Variants in CABIN1 observed in about 807,000 individuals in gnomAD.
The protein encoded by CABIN1 is calcineurin-binding protein cabin-1.
Under a neutral mutation model 227.7 loss-of-function variants are expected in CABIN1, and 133 were observed. The observed-to-expected ratio is 0.58, with a 90% CI of 0.51 to 0.67. The LOEUF is 0.67. Among genes scored for constraint, CABIN1 ranks in the 30% least tolerant of loss-of-function variants. CABIN1 has a pLI of 0.00. For synonymous variants in CABIN1, 1,086 were observed against 1,155.1 expected (o/e 0.94, Z 1.21); for missense variants, 2,408 against 2,852.5 (o/e 0.84, Z 3.55).
chr22:24,015,996 A>ACCT (rs1254941066), intron 1 of CABIN1, among the ~76,000 whole-genome samples: 2 of 152,214 alleles, frequency 1.3e-5, no homozygotes, highest in Non-Finnish European at 2.9e-5. Flanking sequence ...TTATTGAGAT[A>ACCT]TAATTTACAT....
intron 1 of CABIN1, among the ~76,000 whole-genome samples, chr22:24,019,650 CTTTTTT>C (rs34361694): frequency 2.3e-5 from 2 of 87,024 alleles, no homozygotes; most frequent in African/African-American, 1.0e-4. Context: ...TTTCTTTACC[CTTTTTT>C]TTTTTTTTTT....
intron 27 of CABIN1, among the ~76,000 whole-genome samples, chr22:24,119,083 G>A (rs1211663282): frequency 6.6e-6 from 1 of 152,196 alleles, no homozygotes; most frequent in Non-Finnish European, 1.5e-5. Flanking sequence ...GTTCAGAGGG[G>A]AAGACCCAGA....
intron 18 of CABIN1, 67 bp downstream of exon 18, chr22:24,072,577 C>CT: frequency 6.3e-7 from 1 of 1,589,808 alleles, no homozygotes; most frequent in East Asian, 2.2e-5. Context: ...GTCCTCTGCC[C>CT]TAGGGTCCTG....
chr22:24,042,878 T>TCAAGGAGAGATCTGAC (rs1569112630), intron 5 of CABIN1, 26 bp from the exon 6 acceptor site: 1 of 942,260 alleles, frequency 1.1e-6, no homozygotes, highest in African/African-American at 3.1e-5. Flanking sequence ...GTGTGTGTGT[T>TCAAGGAGAGATCTGAC]TGCCCTCTGC....
chr22:24,082,551 T>C (rs763001333), intron 19 of CABIN1, among the ~76,000 whole-genome samples: 3 of 152,250 alleles, frequency 2.0e-5, no homozygotes, highest in Non-Finnish European at 4.4e-5. Context: ...ATGTATTATA[T>C]CTAGTTTTTG....
intron 29 of CABIN1, among the ~76,000 whole-genome samples, chr22:24,144,793 CGTGTTGCTGTGCTCA>C (rs1192890829): frequency 3.3e-5 from 5 of 152,320 alleles, no homozygotes; most frequent in African/African-American, 1.2e-4. Flanking sequence ...TGCTGTGCTC[CGTGTTGCTGTGCTCA>C]ATGTGACTGC....
intron 29 of CABIN1, chr22:24,155,830 C>G: frequency 4.7e-6 from 2 of 427,596 alleles, no homozygotes; most frequent in East Asian, 7.6e-5. Flanking sequence ...GCAGTGAGAG[C>G]TGCACCCACT....
chr22:24,011,640 C>G (rs1445328510), intron 1 of CABIN1: 1 of 152,264 alleles, frequency 6.6e-6, no homozygotes, highest in Non-Finnish European at 1.5e-5. Flanking sequence ...CAGGAGCCAC[C>G]ATTGATTTGG....
At chr22:24,149,598 G>A (rs1218659436) in intron 29 of CABIN1, among the ~76,000 whole-genome samples, 1 of 152,232 alleles carries the variant, frequency 6.6e-6, no homozygotes, top group Non-Finnish European at 1.5e-5. Flanking sequence ...TTGAAATGCT[G>A]ATCTCTAAAT....
In CABIN1 at chr22:24,133,257, T is replaced by C. The variant is rs550824832; in HGVS notation, c.4633-1045T>C. Among the ~76,000 whole-genome samples, 6 of 152,338 alleles carry C rather than the reference T, an allele frequency of 3.9e-5. No individual in the cohort carries two copies. In the South Asian group the frequency reaches 1.2e-3, roughly 32 times the overall value. ...GGGTAGCCCTCATAGGAGCAAAGGC[T>C]TAGAGGCAGGCTAGCATGGGCCCCA... is the stretch of plus-strand genomic sequence containing the variant. On this transcript the variant is annotated intron_variant, in intron 28 of 36. Transcript: ENST00000263119.
rs2047188133 is a variant in CABIN1 at position 24,177,605 on chromosome 22, G to GCC, written c.6311_6312dup (p.Ser2105ProfsTer69). The GCC allele has an allele frequency of 6.2e-7, 1 of 1,611,680 alleles. No homozygotes were observed. The highest frequency in any genetic ancestry group is 1.3e-5 in the African/African-American group (1 of 74,822). ...TCCCCCAACAGCTGCCAGCTCCAAG[G>GCC]CCCCCAGCAGTGGGAGTGCCCAGCC... On this transcript the variant is annotated frameshift_variant, in exon 36 of 37. Coordinates refer to ENST00000263119, the MANE Select transcript of CABIN1 (RefSeq NM_012295.4). LOFTEE classifies it high-confidence loss of function. The surrounding 1 kb of genome is among the most constrained non-coding windows in gnomAD (Gnocchi z 4.4).
At chr22:24,109,391 T>A (rs1241657120) in intron 26 of CABIN1, among the ~76,000 whole-genome samples, 1 of 151,812 alleles carries the variant, frequency 6.6e-6, no homozygotes, top group Non-Finnish European at 1.5e-5. Flanking sequence ...TTTTTTTAAT[T>A]TTTTGTACAG....
At chr22:24,138,353 C>T (rs1199668637) in intron 29 of CABIN1, among the ~76,000 whole-genome samples, 2 of 152,202 alleles carry the variant, frequency 1.3e-5, no homozygotes, top group East Asian at 1.9e-4. Flanking sequence ...TACAGACATG[C>T]ACCACCATGC....
At chr22:24,041,352 C>G (rs1049942472) in intron 5 of CABIN1, 79 bp downstream of exon 5, 62 of 1,573,436 alleles carry the variant, frequency 3.9e-5, no homozygotes, top group Admixed American at 1.7e-4. Flanking sequence ...GTCTTGTGGG[C>G]CAAAAAGAAG....
At chr22:24,143,406 G>A (rs2148362838) in intron 29 of CABIN1, among the ~76,000 whole-genome samples, 1 of 152,344 alleles carries the variant, frequency 6.6e-6, no homozygotes, top group Non-Finnish European at 1.5e-5. Context: ...ATCAAGCAGG[G>A]ATTCCCTTGG....
chr22:24,135,109 G>A (rs1311460017), intron 29 of CABIN1, among the ~76,000 whole-genome samples: 1 of 148,756 alleles, frequency 6.7e-6, no homozygotes, highest in Non-Finnish European at 1.5e-5. Flanking sequence ...AACAAATGTG[G>A]CTTAGGCACA....
chr22:24,067,104 A>G lies in CABIN1; in HGVS notation c.2155A>G (p.Ser719Gly). 5.6e-6 allele frequency: 9 copies of G among 1,614,224 alleles called. No individual in the cohort carries two copies. Among genetic ancestry groups the G allele is most frequent in the Non-Finnish European group, 7.6e-6 (9 of 1,180,038 alleles). Residue 719 changes from serine (S) to glycine (G), a missense_variant, in exon 16 of 37, where the codon AGT (serine) becomes GGT (glycine). Transcript: ENST00000263119. ...VHLLRPTLCT[S>G]GFDRAKHLEF... is the part of the protein sequence containing the mutation. Reference sequence around the variant, plus strand: ...TCTGCTCCGCCCCACTTTGTGCACCAGTGGGTTTGACCGGGCCAAACACCT... The same window carrying G: ...TCTGCTCCGCCCCACTTTGTGCACCGGTGGGTTTGACCGGGCCAAACACCT...
intron 28 of CABIN1, among the ~76,000 whole-genome samples, chr22:24,121,762 C>T (rs2043424870): frequency 6.6e-6 from 1 of 152,212 alleles, no homozygotes; most frequent in South Asian, 2.1e-4. Context: ...GGAACGGACA[C>T]TAGTAACCAT....
intron 35 of CABIN1, among the ~76,000 whole-genome samples, chr22:24,176,601 G>A (rs753223995): frequency 8.0e-4 from 122 of 152,342 alleles, no homozygotes; most frequent in Admixed American, 1.4e-3. Context: ...GCTGAGCCCA[G>A]AGTGGGGAAA....
Sources: gnomAD v4.1 joint callset for allele counts (sites outside exome capture counted in the v4.1 genomes callset) on GRCh38, gnomAD v4.1.1 for gene constraint, Gnocchi (gnomAD v3.1) non-coding constraint, MANE v1.5 for transcripts, NCBI Gene and HGNC (gene_info 2026-07-23, HGNC 2026-07-21) for gene names.